The following CACNB2 variants were observed in gnomAD, a reference collection of about 807,000 sequenced individuals.
CACNB2 encodes voltage-dependent L-type calcium channel subunit beta-2.
CACNB2 carries 42 observed loss-of-function variants against 73.3 expected under a neutral mutation model. The observed-to-expected ratio is 0.57, with a 90% CI of 0.45 to 0.74. The LOEUF is 0.74. CACNB2 is among the 30% of genes least tolerant of loss of function. CACNB2 has a pLI of 0.00. For synonymous variants in CACNB2, 348 were observed against 310.3 expected, an observed-to-expected ratio of 1.12 and a Z score of -1.28; for missense variants, 940 against 853.0, an observed-to-expected ratio of 1.10 and a Z score of -1.27.
intron 2 of CACNB2, among the ~76,000 whole-genome samples, chr10:18,203,639 C>T (rs751495309): frequency 1.3e-5 from 2 of 151,950 alleles, no homozygotes; most frequent in South Asian, 2.1e-4. Flanking sequence ...CATAACGGGG[C>T]GAGTGATCGT....
intron 2 of CACNB2, among the ~76,000 whole-genome samples, chr10:18,338,675 C>CTCCTTCCT (rs753610343): frequency 3.0e-5 from 4 of 134,230 alleles, no homozygotes; most frequent in East Asian, 4.2e-4. Flanking sequence ...TTTTTTCTCT[C>CTCCTTCCT]TCCTTCCTTC....
At chr10:18,518,211 G>T in intron 7 of CACNB2, 125 bp from the exon 8 acceptor site, 1 of 763,678 alleles carries the variant, frequency 1.3e-6, no homozygotes, top group East Asian at 2.5e-5. Flanking sequence ...GAGGCAAGTG[G>T]GGAAAATAAA....
At chr10:18,339,780 G>A (rs1589082951) in intron 2 of CACNB2, among the ~76,000 whole-genome samples, 1 of 152,200 alleles carries the variant, frequency 6.6e-6, no homozygotes, top group East Asian at 1.9e-4. Flanking sequence ...ATTGTCATGT[G>A]CCACAAAATA....
intron 9 of CACNB2, among the ~76,000 whole-genome samples, chr10:18,521,542 C>T (rs547318534): frequency 6.6e-6 from 1 of 152,282 alleles, no homozygotes; most frequent in South Asian, 2.1e-4. Flanking sequence ...CACTATTCAA[C>T]TTGCCTCAGT....
At chr10:18,368,176 A>G (rs16917211) in intron 2 of CACNB2, among the ~76,000 whole-genome samples, 2,317 of 152,296 alleles carry the variant, frequency 0.015, 45 homozygotes, top group East Asian at 0.038. Context: ...AAGATTATGA[A>G]CAATAGCTAT....
intron 3 of CACNB2, among the ~76,000 whole-genome samples, chr10:18,410,061 C>T (rs369529150): frequency 1.3e-5 from 2 of 152,104 alleles, no homozygotes; most frequent in African/African-American, 4.8e-5. Context: ...AGCCATACTT[C>T]ATCCTTCAGA....
chr10:18,453,236 G>A (rs532687821), intron 3 of CACNB2, among the ~76,000 whole-genome samples: 1 of 152,140 alleles, frequency 6.6e-6, no homozygotes, highest in East Asian at 1.9e-4. Flanking sequence ...ACTTAAATTG[G>A]ATCCTGTCTC....
chr10:18,284,347 G>T (rs1057301535), intron 2 of CACNB2, among the ~76,000 whole-genome samples: 3 of 152,174 alleles, frequency 2.0e-5, no homozygotes, highest in African/African-American at 4.8e-5. Flanking sequence ...CCACCAATAC[G>T]TGGGAATTGT....
intron 2 of CACNB2, among the ~76,000 whole-genome samples, chr10:18,372,608 T>C (rs111911289): frequency 6.6e-6 from 1 of 152,162 alleles, no homozygotes; most frequent in Non-Finnish European, 1.5e-5. Flanking sequence ...GGTTTCACCA[T>C]GTTGACCAGG....
At chr10:18,478,057 G>A (rs1240171665) in intron 3 of CACNB2, among the ~76,000 whole-genome samples, 1 of 152,008 alleles carries the variant, frequency 6.6e-6, no homozygotes, top group African/African-American at 2.4e-5. Flanking sequence ...TCAGCCTCGC[G>A]GGTAGCTGGG....
intron 3 of CACNB2, among the ~76,000 whole-genome samples, chr10:18,486,961 C>T (rs1459306324): frequency 6.6e-6 from 1 of 152,202 alleles, no homozygotes; most frequent in Non-Finnish European, 1.5e-5. Flanking sequence ...ATAGCTCTCT[C>T]TCTCTCTTGC....
At chr10:18,494,909 A>T (rs928663910) in intron 3 of CACNB2, among the ~76,000 whole-genome samples, 23 of 151,872 alleles carry the variant, frequency 1.5e-4, no homozygotes, top group Non-Finnish European at 2.5e-4. Flanking sequence ...AAGTTTTTTT[A>T]AAAAAAATAA....
intron 2 of CACNB2, among the ~76,000 whole-genome samples, chr10:18,171,569 T>C (rs2033245980): frequency 1.9e-5 from 2 of 107,480 alleles, no homozygotes; most frequent in African/African-American, 6.9e-5. Flanking sequence ...TTCTTCTTCA[T>C]CCTTCTTAAT....
chr10:18,150,853 G>GTATTTTTTTTTTTTTTTT (rs756678637), intron 1 of CACNB2, 30 bp from the exon 2 acceptor site: 8 of 655,478 alleles, frequency 1.2e-5, no homozygotes, highest in Non-Finnish European at 1.7e-5. Flanking sequence ...AATCTTATTT[G>GTATTTTTTTTTTTTTTTT]TCTTTTTTTT....
In CACNB2 at chr10:18,314,049, C is replaced by T. The variant is rs191232278; in HGVS notation, c.214-87875C>T. On this transcript the variant is annotated intron_variant, in intron 2 of 13. Coordinates refer to ENST00000324631, the MANE Select transcript of CACNB2 (RefSeq NM_201596.3). ...CACTAAATTAATCACACAGTAACTT[C>T]AGGCTGTTATTAGCCTTTTATGGTC... 2.5e-3 allele frequency among the ~76,000 whole-genome samples: 385 copies of T among 152,334 alleles called. 2 individuals carry two copies. Among genetic ancestry groups the T allele is most frequent in the African/African-American group, 8.7e-3 (363 of 41,572 alleles).
intron 2 of CACNB2, among the ~76,000 whole-genome samples, chr10:18,386,316 T>C (rs2043227633): frequency 6.6e-6 from 1 of 151,842 alleles, no homozygotes; most frequent in Admixed American, 6.6e-5. Context: ...TATGAAGGCA[T>C]CAAACTTTTG....
intron 2 of CACNB2, among the ~76,000 whole-genome samples, chr10:18,234,800 A>T (rs77678000): frequency 1.7e-4 from 26 of 152,272 alleles, no homozygotes; most frequent in Middle Eastern, 3.4e-3. Context: ...GGTGGTGATG[A>T]TTGCACTATG....
At chr10:18,267,292 A>G (rs1452808519) in intron 2 of CACNB2, among the ~76,000 whole-genome samples, 2 of 152,168 alleles carry the variant, frequency 1.3e-5, no homozygotes, top group Non-Finnish European at 2.9e-5. Context: ...AAACCTCACT[A>G]CATAATGACA....
intron 7 of CACNB2, chr10:18,514,910 C>T: frequency 4.0e-6 from 4 of 999,862 alleles, no homozygotes; most frequent in Non-Finnish European, 6.4e-6. Flanking sequence ...TATCCAGATA[C>T]ATAGCTTGTA....
Sources: gnomAD v4.1 joint callset for allele counts (sites outside exome capture counted in the v4.1 genomes callset) on GRCh38, gnomAD v4.1.1 for gene constraint, MANE v1.5 for transcripts, NCBI Gene and HGNC (gene_info 2026-07-23, HGNC 2026-07-21) for gene names.